BLTP3B: variants seen among roughly 807,000 people sequenced by gnomAD.
The protein encoded by BLTP3B is bridge-like lipid transfer protein family member 3B.
chr12:100,047,119 T>C, the BLTP3B span, among the ~76,000 whole-genome samples: 1 of 152,206 alleles, frequency 6.6e-6, no homozygotes, highest in Non-Finnish European at 1.5e-5. Flanking sequence ...CATATGTATA[T>C]ACATATAAGA....
the BLTP3B span, chr12:100,050,162 A>T: frequency 6.8e-7 from 1 of 1,469,716 alleles, no homozygotes. Flanking sequence ...AAAAAAAAAA[A>T]CTTACCAACT....
At chr12:100,104,811 C>T in the BLTP3B span, among the ~76,000 whole-genome samples, 1 of 143,634 alleles carries the variant, frequency 7.0e-6, no homozygotes. Flanking sequence ...AGTAGCACTG[C>T]TACAAACCAA....
the BLTP3B span, among the ~76,000 whole-genome samples, chr12:100,072,423 G>A: frequency 6.6e-6 from 1 of 151,964 alleles, no homozygotes. Context: ...AAGAACAATA[G>A]GGGCTGGGCA....
the BLTP3B span, among the ~76,000 whole-genome samples, chr12:100,125,568 C>T: frequency 1.3e-5 from 2 of 152,088 alleles, no homozygotes; most frequent in South Asian, 2.1e-4. Flanking sequence ...GGATCACTTA[C>T]GCCTGGGAGG....
the BLTP3B span, among the ~76,000 whole-genome samples, chr12:100,123,378 C>CT: frequency 1.5e-3 from 231 of 152,294 alleles, no homozygotes; most frequent in Non-Finnish European, 2.9e-3. Context: ...GGGAAACTCT[C>CT]TAACGATGTT....
the BLTP3B span, chr12:100,070,099 C>A: frequency 1.4e-6 from 2 of 1,480,892 alleles, no homozygotes; most frequent in South Asian, 1.4e-5. Context: ...TGCCATTTTA[C>A]TCCCTATGAG....
the BLTP3B span, among the ~76,000 whole-genome samples, chr12:100,102,401 C>G: frequency 6.6e-6 from 1 of 152,046 alleles, no homozygotes; most frequent in African/African-American, 2.4e-5. Context: ...CATGAGCCAC[C>G]GCTCCCAGCC....
At chr12:100,097,674 A>G in the BLTP3B span, among the ~76,000 whole-genome samples, 1 of 152,192 alleles carries the variant, frequency 6.6e-6, no homozygotes, top group African/African-American at 2.4e-5. Flanking sequence ...CATCAAATTC[A>G]ATTACACCTC....
chr12:100,136,806 T>C, the BLTP3B span, among the ~76,000 whole-genome samples: 1 of 150,058 alleles, frequency 6.7e-6, no homozygotes, highest in African/African-American at 2.5e-5. Context: ...CTTTTCTTTT[T>C]TTTCTTTTTT....
the BLTP3B span, among the ~76,000 whole-genome samples, chr12:100,074,346 C>G: frequency 6.6e-6 from 1 of 152,152 alleles, no homozygotes; most frequent in Non-Finnish European, 1.5e-5. Context: ...CACCTGTAAT[C>G]CCAGCACGGT....
At chr12:100,039,918 A>C in the BLTP3B span, 2 of 722,952 alleles carry the variant, frequency 2.8e-6, no homozygotes, top group Non-Finnish European at 3.9e-6. Flanking sequence ...GTAGTATGAG[A>C]TAGAACAACC....
chr12:100,037,577 A>T, the BLTP3B span: 1 of 1,577,540 alleles, frequency 6.3e-7, no homozygotes, highest in Non-Finnish European at 8.5e-7. Flanking sequence ...TAACATCCAC[A>T]TTATAAATAT....
chr12:100,047,731 C>A, the BLTP3B span: 1 of 1,123,332 alleles, frequency 8.9e-7, no homozygotes, highest in Non-Finnish European at 1.3e-6. Flanking sequence ...TATGTTTCAG[C>A]TGATATAGCG....
the BLTP3B span, among the ~76,000 whole-genome samples, chr12:100,046,148 C>T: frequency 2.6e-5 from 4 of 152,102 alleles, no homozygotes; most frequent in Admixed American, 6.5e-5. Flanking sequence ...TTAGCTCAAC[C>T]GCTGTGGAAG....
chr12:100,122,641 T>C, the BLTP3B span, among the ~76,000 whole-genome samples: 1 of 152,208 alleles, frequency 6.6e-6, no homozygotes, highest in Non-Finnish European at 1.5e-5. Context: ...AAACTAATGG[T>C]GTGTCTGTGA....
chr12:100,084,700 CTTTCA>C, the BLTP3B span: 1 of 1,565,606 alleles, frequency 6.4e-7, no homozygotes, highest in Non-Finnish European at 8.7e-7. Context: ...AAATGTACAA[CTTTCA>C]TTTATTATAT....
the BLTP3B span, among the ~76,000 whole-genome samples, chr12:100,127,315 G>T: frequency 6.6e-6 from 1 of 152,276 alleles, no homozygotes; most frequent in East Asian, 1.9e-4. Context: ...TGAGATCCAG[G>T]TTCCCAAATG....
the BLTP3B span, among the ~76,000 whole-genome samples, chr12:100,125,335 CAAA>C: frequency 2.7e-5 from 2 of 74,088 alleles, no homozygotes; most frequent in Non-Finnish European, 2.8e-5. Context: ...GTTTCCATCT[CAAA>C]AAAAAAAAAA....
chr12:100,058,140 A>G, the BLTP3B span: 1 of 1,613,496 alleles, frequency 6.2e-7, no homozygotes, highest in Non-Finnish European at 8.5e-7. Context: ...AGCTTTAAAG[A>G]TGGACTCTAT....
Sources: allele counts gnomAD v4.1 joint callset (sites outside exome capture counted in the v4.1 genomes callset), GRCh38; gene constraint gnomAD v4.1.1; transcripts MANE v1.5; gene names NCBI Gene and HGNC (gene_info 2026-07-23, HGNC 2026-07-21).